DSCAM: variants seen among roughly 807,000 people sequenced by gnomAD.
DSCAM encodes DS cell adhesion molecule.
A neutral mutation model predicts 217.7 loss-of-function variants in DSCAM; 47 were observed. That is an observed-to-expected ratio of 0.22 (90% confidence interval 0.17 to 0.28). The LOEUF (loss-of-function observed/expected upper bound fraction) is 0.28. Among genes scored for constraint, DSCAM ranks in the 10% least tolerant of loss-of-function variants. The probability of loss-of-function intolerance (pLI) is 1.00; values close to 1 mark genes in which losing one functional copy is unlikely to be tolerated. For missense variants in DSCAM, 2,080 were observed against 2,618.3 expected, an observed-to-expected ratio of 0.79 and a Z score of 4.49; for synonymous variants, 1,056 against 1,015.3, an observed-to-expected ratio of 1.04 and a Z score of -0.76.
In DSCAM at chr21:40,109,471, T is replaced by A. The variant is rs146287175; in HGVS notation, c.3696+14724A>T. ...GATGGCGGAATAGGAACAGCTCCAG[T>A]CTACAGCTCCCAGTGTGAGCGACGC... On this transcript the variant is annotated intron_variant, in intron 20 of 32. Transcript: ENST00000400454. Among the ~76,000 whole-genome samples, 1,277 of 152,300 alleles carry A rather than the reference T, an allele frequency of 8.4e-3. 16 individuals are homozygous for A. Among genetic ancestry groups the A allele is most frequent in the African/African-American group, 0.029 (1,188 of 41,556 alleles).
chr21:40,392,945 T>G (rs2075147078), intron 3 of DSCAM, among the ~76,000 whole-genome samples: 1 of 152,076 alleles, frequency 6.6e-6, no homozygotes, highest in African/African-American at 2.4e-5. Flanking sequence ...AACCCCCAAA[T>G]CAAGTACTAA....
intron 11 of DSCAM, among the ~76,000 whole-genome samples, chr21:40,252,939 C>CG (rs1019957940): frequency 2.6e-5 from 4 of 152,008 alleles, no homozygotes; most frequent in Admixed American, 1.3e-4. Context: ...AAGTAAGGGG[C>CG]GGGGGGCTGA....
At chr21:40,547,812 G>A (rs558535405) in intron 3 of DSCAM, among the ~76,000 whole-genome samples, 4 of 152,272 alleles carry the variant, frequency 2.6e-5, no homozygotes, top group East Asian at 3.9e-4. Flanking sequence ...AACTCAGAAC[G>A]TCTCTGCCAC....
At chr21:40,532,272 T>G (rs2837681) in intron 3 of DSCAM, among the ~76,000 whole-genome samples, 24,476 of 151,954 alleles carry the variant, frequency 0.16, 2,185 homozygotes, top group Middle Eastern at 0.23. Flanking sequence ...CTAATAAATA[T>G]CAGATAAGAC....
At chr21:40,330,293 G>T (rs2074363324) in intron 8 of DSCAM, among the ~76,000 whole-genome samples, 1 of 143,946 alleles carries the variant, frequency 6.9e-6, no homozygotes, top group South Asian at 2.2e-4. Flanking sequence ...TATATTATAT[G>T]CATATATTTA....
chr21:40,349,200 A>C (rs538139826), intron 5 of DSCAM, among the ~76,000 whole-genome samples: 140 of 150,656 alleles, frequency 9.3e-4, no homozygotes, highest in African/African-American at 3.3e-3. Flanking sequence ...AGTATTGATC[A>C]TATAAATCCT....
rs1017564590 is a variant in DSCAM, at chr21:40,093,812, C to T, written c.3759G>A (p.Arg1253=). 1 of 1,613,942 alleles carries T rather than the reference C, an allele frequency of 6.2e-7. No homozygotes were observed. The highest frequency in any genetic ancestry group is 8.5e-7 in the Non-Finnish European group (1 of 1,179,938). ...CCACCCAGACGCTGTACTGACGATT[C>T]CTACTCAGGTTGGGAATTCTGTAGG... The part of the protein sequence containing the change: ...SFSYRIPNLS[R]NRQYSVWVVA... Residue 1253 remains arginine, a synonymous_variant, in exon 21 of 33, where the codon AGG becomes AGA. Transcript: ENST00000400454.
intron 1 of DSCAM, among the ~76,000 whole-genome samples, chr21:40,818,550 A>G (rs960551671): frequency 1.6e-5 from 1 of 61,546 alleles, no homozygotes; most frequent in Non-Finnish European, 2.8e-5. Flanking sequence ...CGTCTCACAA[A>G]AAAAAAAAAA....
chr21:40,414,945 C>A (rs1026963554), intron 3 of DSCAM, among the ~76,000 whole-genome samples: 4 of 152,114 alleles, frequency 2.6e-5, no homozygotes, highest in African/African-American at 9.7e-5. Context: ...AATTTTCTTA[C>A]CCTCAATAAA....
At chr21:40,054,904 AG>A (rs2088989304) in intron 29 of DSCAM, among the ~76,000 whole-genome samples, 1 of 152,244 alleles carries the variant, frequency 6.6e-6, no homozygotes, top group Non-Finnish European at 1.5e-5. Flanking sequence ...GTTGGTTGAA[AG>A]GTTAAATTAA....
chr21:40,503,266 T>C (rs1345636545), intron 3 of DSCAM, among the ~76,000 whole-genome samples: 2 of 152,204 alleles, frequency 1.3e-5, no homozygotes, highest in African/African-American at 4.8e-5. Flanking sequence ...ATGCTTCAAG[T>C]CTTCTTCGAG....
chr21:40,602,537 T>C (rs56291275), intron 3 of DSCAM, among the ~76,000 whole-genome samples: 10,033 of 152,282 alleles, frequency 0.066, 392 homozygotes, highest in South Asian at 0.15. Flanking sequence ...TGTTTCTCCT[T>C]ATACAAATCT....
At chr21:40,498,821 C>A (rs1221697949) in intron 3 of DSCAM, among the ~76,000 whole-genome samples, 49 of 84,310 alleles carry the variant, frequency 5.8e-4, no homozygotes, top group Admixed American at 6.5e-4. Flanking sequence ...ATATATATAC[C>A]CATCACTGAC....
intron 4 of DSCAM, among the ~76,000 whole-genome samples, chr21:40,364,378 G>C (rs530560320): frequency 6.6e-6 from 1 of 152,160 alleles, no homozygotes; most frequent in South Asian, 2.1e-4. Flanking sequence ...GTCCTTTGTA[G>C]GGACATAGAT....
chr21:40,660,369 G>A lies in DSCAM; in HGVS notation c.508+32441C>T, dbSNP rs538704410. The stretch of plus-strand genomic sequence containing the variant: ...TAGGAGTCAACATTGAAAAACAAGG[G>A]ATAATTCTAACAACTGGCCAGAAGT... On this transcript the variant is annotated intron_variant, in intron 3 of 32. Transcript: ENST00000400454. Among the ~76,000 whole-genome samples, 5 of 152,138 alleles carry A rather than the reference G, an allele frequency of 3.3e-5. No individual in the cohort carries two copies. In the East Asian group the frequency reaches 9.6e-4, roughly 29 times the overall value.
At chr21:40,579,636 CA>C (rs1302848752) in intron 3 of DSCAM, among the ~76,000 whole-genome samples, 1 of 152,112 alleles carries the variant, frequency 6.6e-6, no homozygotes, top group African/African-American at 2.4e-5. Context: ...AAATATATTC[CA>C]ACCTATCAGA....
chr21:40,405,214 C>T (rs1293221186), intron 3 of DSCAM, among the ~76,000 whole-genome samples: 1 of 152,142 alleles, frequency 6.6e-6, no homozygotes, highest in Non-Finnish European at 1.5e-5. Context: ...GAGGTAGACC[C>T]TGGGAAAATG....
At chr21:40,090,313 C>T (rs548164913) in intron 21 of DSCAM, among the ~76,000 whole-genome samples, 5 of 152,148 alleles carry the variant, frequency 3.3e-5, no homozygotes, top group East Asian at 3.9e-4. Context: ...CTCCCTCCCC[C>T]TCCCAGCTTC....
chr21:40,579,928 G>T (rs1319678677), intron 3 of DSCAM, among the ~76,000 whole-genome samples: 1 of 152,142 alleles, frequency 6.6e-6, no homozygotes, highest in Non-Finnish European at 1.5e-5. Context: ...TGAGCCACGT[G>T]GTGGCCCAGG....
Sources: gnomAD v4.1 joint callset for allele counts (sites outside exome capture counted in the v4.1 genomes callset) on GRCh38, gnomAD v4.1.1 for gene constraint, MANE v1.5 for transcripts, NCBI Gene and HGNC (gene_info 2026-07-23, HGNC 2026-07-21) for gene names.